Variants in ADGRF4 observed in about 807,000 individuals in gnomAD.
ADGRF4 encodes G-protein coupled receptor PGR18.
In ADGRF4, 63 loss-of-function variants were observed where a neutral mutation model predicts 58.5. The observed-to-expected ratio is 1.08, with a 90% confidence interval of 0.88 to 1.33. The LOEUF (loss-of-function observed/expected upper bound fraction) is 1.33. ADGRF4 is among the 40% of genes most tolerant of loss of function. The pLI, the probability that ADGRF4 is intolerant of heterozygous loss-of-function variation, is 0.00. For synonymous variants in ADGRF4, 313 were observed against 295.4 expected (o/e 1.06, Z -0.61); for missense variants, 931 against 843.9 (o/e 1.10, Z -1.28).
intron 1 of ADGRF4, among the ~76,000 whole-genome samples, chr6:47,701,640 C>T (rs562967183): frequency 1.3e-5 from 2 of 152,270 alleles, no homozygotes; most frequent in Non-Finnish European, 1.5e-5. Context: ...TTCTTGTGGT[C>T]ACCCAAGCTT....
intron 8 of ADGRF4, 57 bp from the exon 9 acceptor site, chr6:47,718,332 A>T (rs1044548790): frequency 1.1e-6 from 1 of 895,776 alleles, no homozygotes; most frequent in African/African-American, 1.6e-5. Flanking sequence ...AGAGAGGGAT[A>T]TACATTTTGT....
intron 3 of ADGRF4, among the ~76,000 whole-genome samples, chr6:47,708,936 C>G (rs1771793591): frequency 6.6e-6 from 1 of 152,212 alleles, no homozygotes; most frequent in African/African-American, 2.4e-5. Flanking sequence ...GCATAAAATG[C>G]TGTCTCATTC....
At chr6:47,704,358 C>T (rs1222275416) in intron 1 of ADGRF4, among the ~76,000 whole-genome samples, 2 of 152,096 alleles carry the variant, frequency 1.3e-5, no homozygotes, top group Admixed American at 1.3e-4. Context: ...CAAATGCCTC[C>T]CTTCGTCTCG....
At position 47,714,085 on chromosome 6, in the gene ADGRF4, A is replaced by G. The variant is rs751059402; in HGVS notation, c.840A>G (p.Leu280=). The change falls in exon 6 of 10, where the codon CTA becomes CTG. Residue 280 remains leucine, a synonymous_variant. Coordinates refer to ENST00000283303, the MANE Select transcript of ADGRF4 (RefSeq NM_153838.5). ...LGMVQIPRQE[L]RKLWPNASQA... ...TGGTACAGATTCCCAGGCAAGAGCT[A>G]AGGAAGCTGTGGCCAAATGCATCCC... is the stretch of plus-strand genomic sequence containing the variant. 1.9e-6 allele frequency: 3 copies of G among 1,614,092 alleles called. No homozygotes were observed. In the South Asian group the frequency reaches 3.3e-5, roughly 18 times the overall value.
rs987639261 is a variant in ADGRF4, at chr6:47,707,280, G to C, written c.35G>C (p.Cys12Ser). ...AAGTCCCAGGCAACCATGATTTGCT[G>C]CTTAGTGTTCTTTCTGTCCACAGAA... ...KMKSQATMIC[C>S]LVFFLSTECS... is the part of the protein sequence containing the mutation. Residue 12 changes from cysteine to serine, a missense_variant, in exon 2 of 10, where the codon TGC becomes TCC. Physicochemically the swap from Cys to Ser is moderately radical, Grantham distance 112. Coordinates refer to ENST00000283303, the MANE Select transcript of ADGRF4 (RefSeq NM_153838.5). The C allele has an allele frequency of 6.2e-7, 1 of 1,613,458 alleles. No homozygotes were observed. Among genetic ancestry groups the C allele is most frequent in the African/African-American group, 1.3e-5 (1 of 75,004 alleles).
chr6:47,700,686 G>A (rs570516650), intron 1 of ADGRF4, among the ~76,000 whole-genome samples: 5 of 152,130 alleles, frequency 3.3e-5, no homozygotes, highest in Non-Finnish European at 7.4e-5. Flanking sequence ...ATAAAGAGGA[G>A]GTCCACAGTA....
In ADGRF4 at chr6:47,710,670, C is replaced by A. The variant is rs1017363957; in HGVS notation, c.149-65C>A. ...AATCTCCAGAATGAATTTGATGCAC[C>A]TGTCAAAATGTGGAAATCCTAATTG... is the stretch of plus-strand genomic sequence containing the variant. On this transcript the variant is annotated intron_variant, in intron 3 of 9. Coordinates refer to ENST00000283303, the MANE Select transcript of ADGRF4 (RefSeq NM_153838.5). 13 of 1,481,878 alleles carry A rather than the reference C, an allele frequency of 8.8e-6. No homozygotes were observed. The Admixed American group carries it at 2.7e-4, about 31-fold the overall frequency. The allele number at this position is 1,481,878 out of a possible 1,614,324, so 91.8% of individuals were successfully genotyped here.
At chr6:47,706,455 T>C (rs1287166071) in intron 1 of ADGRF4, among the ~76,000 whole-genome samples, 2 of 152,216 alleles carry the variant, frequency 1.3e-5, no homozygotes, top group Non-Finnish European at 2.9e-5. Context: ...TTTAAGTTAC[T>C]TGTCTCCATA....
chr6:47,710,262 A>G (rs893795935), intron 3 of ADGRF4, among the ~76,000 whole-genome samples: 1 of 152,226 alleles, frequency 6.6e-6, no homozygotes, highest in Non-Finnish European at 1.5e-5. Flanking sequence ...GTGTGAAAAT[A>G]AAATTGACAT....
At chr6:47,701,412 C>T (rs1771586118) in intron 1 of ADGRF4, among the ~76,000 whole-genome samples, 1 of 152,164 alleles carries the variant, frequency 6.6e-6, no homozygotes, top group Admixed American at 6.5e-5. Flanking sequence ...TTCTAGGTGG[C>T]TTAGTTGCTT....
In ADGRF4 at chr6:47,701,315, T is replaced by C. The variant is rs114254125; in HGVS notation, c.-17+2521T>C. On this transcript the variant is annotated intron_variant, in intron 1 of 9. Coordinates refer to ENST00000283303, the MANE Select transcript of ADGRF4 (RefSeq NM_153838.5). ...AATTATAGTGGGTAATTAACACTTT[T>C]ATAATCATGCACAGAAAGAGGCGGG... 4.3e-3 allele frequency among the ~76,000 whole-genome samples: 660 copies of C among 152,312 alleles called. 3 individuals are homozygous for C. Among genetic ancestry groups the C allele is most frequent in the African/African-American group, 0.014 (575 of 41,556 alleles).
chr6:47,713,889 T>G lies in ADGRF4; in HGVS notation c.644T>G (p.Leu215Trp). 1 of 1,608,902 alleles carries G rather than the reference T, an allele frequency of 6.2e-7. No homozygotes were observed. The highest frequency in any genetic ancestry group is 1.1e-5 in the South Asian group (1 of 89,756). ...IPNKNASSDL[L>W]QSVNLFARQL... ...AACAAAAATGCCAGCTCGGATTTGT[T>G]GCAGTCAGTGAATTTGTTTGCCAGA... Residue 215 changes from leucine (L) to tryptophan (W), a missense_variant, in exon 6 of 10, where the codon TTG (leucine) becomes TGG (tryptophan). Transcript: ENST00000283303.
At chr6:47,701,110 T>G (rs1771579062) in intron 1 of ADGRF4, among the ~76,000 whole-genome samples, 1 of 152,208 alleles carries the variant, frequency 6.6e-6, no homozygotes, top group African/African-American at 2.4e-5. Context: ...ACATTCACCC[T>G]GGGACAATCA....
At chr6:47,708,336 G>A (rs1771772913) in intron 3 of ADGRF4, 58 bp downstream of exon 3, 1 of 1,337,360 alleles carries the variant, frequency 7.5e-7, no homozygotes, top group Non-Finnish European at 1.1e-6. Flanking sequence ...TAAAGGAAGG[G>A]CACTGATGTT....
intron 1 of ADGRF4, among the ~76,000 whole-genome samples, chr6:47,699,803 G>A (rs747861976): frequency 7.9e-5 from 12 of 151,984 alleles, no homozygotes; most frequent in Non-Finnish European, 1.6e-4. Flanking sequence ...TAAACAACTC[G>A]TTTATCCATC....
At position 47,715,132 on chromosome 6, in the gene ADGRF4, T is replaced by C. The variant is rs1164973364; in HGVS notation, c.1887T>C (p.Thr629=). Residue 629 remains threonine, a synonymous_variant, in exon 6 of 10, where the codon ACT becomes ACC. Coordinates refer to ENST00000283303, the MANE Select transcript of ADGRF4 (RefSeq NM_153838.5). ...GFGIATLIEG[T]SLTFHIIFAL... ...GAATAGCCACTCTCATAGAAGGCACTTCCTTGACGTTCCATATAATTTTTG... is the reference window on the plus strand; with the variant it reads ...GAATAGCCACTCTCATAGAAGGCACCTCCTTGACGTTCCATATAATTTTTG... The C allele has an allele frequency of 5.0e-6, 8 of 1,595,084 alleles. No homozygotes were observed. Among genetic ancestry groups the C allele is most frequent in the Non-Finnish European group, 4.3e-6 (5 of 1,164,500 alleles).
In ADGRF4 at chr6:47,712,401, AC is replaced by A. The variant is rs751346726; in HGVS notation, c.347del (p.Pro116LeufsTer5). Reference protein sequence around the residue: ...SRLSVAAPSIPLHILDFRAPE... With the variant: ...SRLSVAAPSIXLHILDFRAPE... ...GCCTTTCTGTAGCAGCACCATCTATACCTCTGCATATTCTAGACTTTCGAGC... is the reference window on the plus strand; with the variant it reads ...GCCTTTCTGTAGCAGCACCATCTATACTCTGCATATTCTAGACTTTCGAGC... On this transcript the variant is annotated frameshift_variant, in exon 5 of 10. Transcript: ENST00000283303. LOFTEE classifies it high-confidence loss of function. 6.2e-7 allele frequency: 1 copy of A among 1,613,826 alleles called. No individual in the cohort carries two copies. The highest frequency in any genetic ancestry group is 1.1e-5 in the South Asian group (1 of 91,080).
chr6:47,708,360 C>T, intron 3 of ADGRF4, 82 bp downstream of exon 3: 1 of 1,026,542 alleles, frequency 9.7e-7, no homozygotes, highest in South Asian at 1.3e-5. Flanking sequence ...AGCTTGTCCC[C>T]AGACCACAGG....
chr6:47,717,308 G>T lies in ADGRF4; in HGVS notation c.1991G>T (p.Arg664Met), dbSNP rs201131962. 5 of 1,610,978 alleles carry T rather than the reference G, an allele frequency of 3.1e-6. No homozygotes were observed. The highest frequency in any genetic ancestry group is 8.5e-7 in the Non-Finnish European group (1 of 1,177,156). ...CTTCTTTAGATAAGAGATGCTTTGA[G>T]GATGAGGATGTCTTCACTGAAGGGG... The part of the protein sequence containing the change: ...IMDHKIRDAL[R>M]MRMSSLKGKS... The change falls in exon 8 of 10, where the codon AGG (arginine) becomes ATG (methionine). Residue 664 changes from arginine to methionine, a missense_variant. Arg to Met is a moderately conservative substitution (Grantham distance 91, BLOSUM62 -1). Transcript: ENST00000283303.
Sources: allele counts gnomAD v4.1 joint callset (sites outside exome capture counted in the v4.1 genomes callset), GRCh38; gene constraint gnomAD v4.1.1; transcripts MANE v1.5; gene names NCBI Gene and HGNC (gene_info 2026-07-23, HGNC 2026-07-21).